ADAM10: variants seen among roughly 807,000 people sequenced by gnomAD.
The protein encoded by ADAM10 is disintegrin and metalloproteinase domain-containing protein 10.
Under a neutral mutation model 90.1 loss-of-function variants are expected in ADAM10, and 17 were observed. The ratio of observed to expected loss-of-function variants is 0.19; its 90% CI spans 0.13 to 0.28. The LOEUF (loss-of-function observed/expected upper bound fraction) is 0.28, where lower values mean the gene tolerates loss of function less well. Ranked by LOEUF, ADAM10 falls within the 10% of genes least tolerant of loss-of-function variation. The pLI is 1.00. For missense variants in ADAM10, 610 were observed against 914.3 expected, an observed-to-expected ratio of 0.67 and a Z score of 4.29; for synonymous variants, 310 against 298.6, an observed-to-expected ratio of 1.04 and a Z score of -0.40.
At chr15:58,689,920 C>G (rs1418506673) in intron 2 of ADAM10, among the ~76,000 whole-genome samples, 2 of 143,076 alleles carry the variant, frequency 1.4e-5, no homozygotes, top group Admixed American at 7.0e-5. Context: ...ATGTGGCTCA[C>G]TCTGATTCCA....
chr15:58,638,102 T>C (rs1245306546), intron 8 of ADAM10, among the ~76,000 whole-genome samples: 3 of 152,224 alleles, frequency 2.0e-5, no homozygotes, highest in African/African-American at 4.8e-5. Flanking sequence ...TCTATTCTTC[T>C]GTGCCTGCCT....
intron 2 of ADAM10, among the ~76,000 whole-genome samples, chr15:58,716,138 ATTAAT>A (rs1301251283): frequency 2.6e-5 from 4 of 152,228 alleles, no homozygotes; most frequent in East Asian, 1.9e-4. Context: ...CGGAAAATAC[ATTAAT>A]TTAAGTGACA....
chr15:58,641,765 G>A (rs562369444), intron 7 of ADAM10, among the ~76,000 whole-genome samples: 4 of 152,160 alleles, frequency 2.6e-5, no homozygotes, highest in Non-Finnish European at 4.4e-5. Context: ...GCTTTCCCCA[G>A]GTAAGCCAAG....
At chr15:58,692,919 C>A (rs1421156424) in intron 2 of ADAM10, 3 of 703,296 alleles carry the variant, frequency 4.3e-6, no homozygotes, top group South Asian at 1.4e-5. Flanking sequence ...CAGCCTTGGT[C>A]ATGCCAATGC....
At chr15:58,733,306 G>A (rs1297838232) in intron 1 of ADAM10, among the ~76,000 whole-genome samples, 1 of 149,976 alleles carries the variant, frequency 6.7e-6, no homozygotes, top group Non-Finnish European at 1.5e-5. Context: ...AAAACCTGGT[G>A]GTTCTTCATC....
chr15:58,603,737 C>G (rs35496267), intron 14 of ADAM10, among the ~76,000 whole-genome samples: 7,267 of 151,826 alleles, frequency 0.048, 228 homozygotes, highest in East Asian at 0.095. Flanking sequence ...AAAGCAAAAG[C>G]AAAAACTTGA....
chr15:58,720,871 A>C (rs1349930833), intron 1 of ADAM10, among the ~76,000 whole-genome samples: 1 of 152,240 alleles, frequency 6.6e-6, no homozygotes, highest in African/African-American at 2.4e-5. Flanking sequence ...TCATTTTGAA[A>C]ATTTCCACTG....
At chr15:58,601,249 G>A (rs956812527) in intron 14 of ADAM10, among the ~76,000 whole-genome samples, 15 of 152,078 alleles carry the variant, frequency 9.9e-5, no homozygotes, top group Non-Finnish European at 1.9e-4. Flanking sequence ...ATCACCTGAG[G>A]TCAGGAGTTC....
At chr15:58,621,368 G>A in intron 11 of ADAM10, 103 bp downstream of exon 11, 1 of 1,396,024 alleles carries the variant, frequency 7.2e-7, no homozygotes. Flanking sequence ...TAAAAGCAAA[G>A]TTTCAAAACC....
At chr15:58,714,286 TACACATAC>T (rs1352815663) in intron 2 of ADAM10, among the ~76,000 whole-genome samples, 3 of 75,814 alleles carry the variant, frequency 4.0e-5, no homozygotes, top group African/African-American at 1.8e-4. Flanking sequence ...TACTTATACA[TACACATAC>T]ACACACACAC....
At chr15:58,603,837 C>A (rs1200142788) in intron 14 of ADAM10, among the ~76,000 whole-genome samples, 1 of 78,518 alleles carries the variant, frequency 1.3e-5, no homozygotes, top group African/African-American at 5.0e-5. Flanking sequence ...TCGAAGAATA[C>A]ACAAGAAATC....
rs749439192 is a variant in ADAM10 at position 58,621,262 on chromosome 15, C to CA, written c.1511+208dup. Among the ~76,000 whole-genome samples, 4,230 of 25,206 alleles carry CA rather than the reference C, an allele frequency of 0.17. 1,276 individuals carry two copies. The highest frequency in any genetic ancestry group is 0.47 in the East Asian group (318 of 674). 16.5% of individuals were successfully genotyped at this position (25,206 alleles called of 152,430 possible). A position where few individuals can be genotyped will look rare whatever the true frequency, so the allele number is the denominator to read the frequency against. On this transcript the variant is annotated intron_variant, in intron 11 of 15. Transcript: ENST00000260408. ...TGGGCAACAGAGCGAGACCCTGTCT[C>CA]AAAAAAAAAAAAAAAAAAAAAAAAA...
intron 14 of ADAM10, among the ~76,000 whole-genome samples, chr15:58,605,274 C>T (rs1895237428): frequency 6.6e-6 from 1 of 152,138 alleles, no homozygotes; most frequent in Non-Finnish European, 1.5e-5. Context: ...TTTCAGGTAA[C>T]TATGTATCTC....
intron 1 of ADAM10, chr15:58,732,929 A>G (rs1364133534): frequency 6.5e-6 from 1 of 152,962 alleles, no homozygotes; most frequent in African/African-American, 2.4e-5. Context: ...TTCAGCCACA[A>G]TTCCTATCTT....
intron 1 of ADAM10, among the ~76,000 whole-genome samples, chr15:58,730,442 T>A (rs1899198444): frequency 6.6e-6 from 1 of 152,184 alleles, no homozygotes; most frequent in South Asian, 2.1e-4. Context: ...TTACAAAATG[T>A]TACAGAACAG....
chr15:58,749,132 C>CT (rs1899890527), intron 1 of ADAM10: 2 of 398,292 alleles, frequency 5.0e-6, no homozygotes, highest in South Asian at 2.8e-4. Context: ...GCCGAGCAGA[C>CT]TGGAGGGATG....
At chr15:58,705,532 C>A (rs766730170) in intron 2 of ADAM10, among the ~76,000 whole-genome samples, 1 of 152,120 alleles carries the variant, frequency 6.6e-6, no homozygotes, top group African/African-American at 2.4e-5. Context: ...AGTTTTACCA[C>A]GTCGTAGTAA....
At chr15:58,730,476 T>C (rs1341151933) in intron 1 of ADAM10, among the ~76,000 whole-genome samples, 1 of 151,416 alleles carries the variant, frequency 6.6e-6, no homozygotes, top group Non-Finnish European at 1.5e-5. Flanking sequence ...GGTAAGTCAC[T>C]TAAACACTTA....
intron 10 of ADAM10, among the ~76,000 whole-genome samples, chr15:58,624,211 G>T (rs1006255165): frequency 6.6e-6 from 1 of 151,802 alleles, no homozygotes; most frequent in Non-Finnish European, 1.5e-5. Flanking sequence ...GCTTGAACCT[G>T]GGAGGGAGAG....
Sources: gnomAD v4.1 joint callset for allele counts (sites outside exome capture counted in the v4.1 genomes callset) on GRCh38, gnomAD v4.1.1 for gene constraint, MANE v1.5 for transcripts, NCBI Gene and HGNC (gene_info 2026-07-23, HGNC 2026-07-21) for gene names.